ZFAND6: variants seen among roughly 807,000 people sequenced by gnomAD.
ZFAND6 encodes AN1-type zinc finger protein 6.
A neutral mutation model predicts 24.5 loss-of-function variants in ZFAND6; 12 were observed. The observed-to-expected ratio is 0.49, with a 90% CI of 0.31 to 0.79. The LOEUF is 0.79. Among genes scored for constraint, ZFAND6 ranks in the 30% least tolerant of loss-of-function variants. The probability of loss-of-function intolerance (pLI) is 0.04; values close to 1 mark genes in which losing one functional copy is unlikely to be tolerated. For synonymous variants in ZFAND6, 92 were observed against 81.5 expected (o/e 1.13, Z -0.69); for missense variants, 207 against 245.9 (o/e 0.84, Z 1.06).
chr15:80,099,347 A>G (rs2038908167), intron 2 of ZFAND6, among the ~76,000 whole-genome samples: 1 of 152,130 alleles, frequency 6.6e-6, no homozygotes, highest in Non-Finnish European at 1.5e-5. Context: ...AGAAGAATGC[A>G]TTGTTTGTAC....
chr15:80,098,700 T>C (rs2038869530), intron 2 of ZFAND6, 122 bp downstream of exon 2: 1 of 152,126 alleles, frequency 6.6e-6, no homozygotes, highest in South Asian at 2.1e-4. Context: ...TAGGGTGTAT[T>C]TTTTCTGGTG....
At chr15:80,091,604 T>TA (rs776678722) in intron 1 of ZFAND6, among the ~76,000 whole-genome samples, 14 of 151,922 alleles carry the variant, frequency 9.2e-5, no homozygotes, top group Non-Finnish European at 1.3e-4. Flanking sequence ...TCATCTCTAA[T>TA]AACAGATACA....
chr15:80,065,537 A>ATTTTTTTGTTTTTT (rs2036580089), intron 1 of ZFAND6, among the ~76,000 whole-genome samples: 1 of 76,506 alleles, frequency 1.3e-5, no homozygotes, highest in Non-Finnish European at 2.4e-5. Flanking sequence ...TTTGGTTTTG[A>ATTTTTTTGTTTTTT]TTTTTTTTTT....
intron 1 of ZFAND6, among the ~76,000 whole-genome samples, chr15:80,093,122 T>TG (rs2038488653): frequency 6.6e-6 from 1 of 151,616 alleles, no homozygotes; most frequent in Non-Finnish European, 1.5e-5. Context: ...GCCCAGCTAA[T>TG]TTTTGTGTGT....
At chr15:80,132,867 T>C (rs184067764) in intron 6 of ZFAND6, among the ~76,000 whole-genome samples, 2 of 152,032 alleles carry the variant, frequency 1.3e-5, no homozygotes, top group East Asian at 3.9e-4. Context: ...CTGCAGCTGC[T>C]ATTCTGCCAT....
intron 2 of ZFAND6, chr15:80,111,611 A>G (rs1030633969): frequency 9.8e-6 from 4 of 409,296 alleles, no homozygotes; most frequent in Non-Finnish European, 9.7e-6. Flanking sequence ...ATAAGTATAT[A>G]GTGATATATT....
intron 2 of ZFAND6, chr15:80,114,904 G>A (rs1458444563): frequency 6.6e-6 from 1 of 152,068 alleles, no homozygotes; most frequent in Non-Finnish European, 1.5e-5. Flanking sequence ...GAATTTAAAA[G>A]GTATACTTAA....
chr15:80,059,311 C>G (rs1263722091), upstream of ZFAND6, among the ~76,000 whole-genome samples: 1 of 152,350 alleles, frequency 6.6e-6, no homozygotes, highest in Non-Finnish European at 1.5e-5. Flanking sequence ...GTACCTGAAC[C>G]TACATAACCA....
intron 2 of ZFAND6, among the ~76,000 whole-genome samples, chr15:80,100,435 TA>T (rs956919977): frequency 3.3e-5 from 5 of 152,202 alleles, no homozygotes; most frequent in African/African-American, 4.8e-5. Context: ...GTAGAGGGTT[TA>T]GGGGGAAATT....
In ZFAND6 at chr15:80,064,355, ATCTG is replaced by A. The variant is rs531254032; in HGVS notation, c.-181+4550_-181+4553del. ...TTTCTTGTATATCTTTACCAGCATTATCTGTCTATCCATCTACCCTCCATCTTTC... is the reference window on the plus strand; with the variant it reads ...TTTCTTGTATATCTTTACCAGCATTATCTATCCATCTACCCTCCATCTTTC... On this transcript the variant is annotated intron_variant, in intron 1 of 6. Coordinates refer to ENST00000261749, the MANE Select transcript of ZFAND6 (RefSeq NM_019006.4). Among the ~76,000 whole-genome samples, 145 of 152,306 alleles carry A rather than the reference ATCTG, an allele frequency of 9.5e-4. 1 individual carries two copies. Among genetic ancestry groups the A allele is most frequent in the African/African-American group, 2.6e-3 (108 of 41,576 alleles).
At chr15:80,064,728 C>G (rs949662785) in intron 1 of ZFAND6, among the ~76,000 whole-genome samples, 3 of 152,098 alleles carry the variant, frequency 2.0e-5, no homozygotes, top group African/African-American at 7.2e-5. Flanking sequence ...GAGGCCTCTA[C>G]TTCCTGGGCT....
At chr15:80,070,843 C>T (rs1241816912) in intron 1 of ZFAND6, among the ~76,000 whole-genome samples, 1 of 152,026 alleles carries the variant, frequency 6.6e-6, no homozygotes, top group Non-Finnish European at 1.5e-5. Context: ...CATCTACAGT[C>T]ACTTTTCCTC....
intron 1 of ZFAND6, among the ~76,000 whole-genome samples, chr15:80,090,341 A>C (rs1437074604): frequency 6.6e-6 from 1 of 152,156 alleles, no homozygotes; most frequent in Non-Finnish European, 1.5e-5. Flanking sequence ...TGAGCTTTGG[A>C]GTCAGACTCT....
At chr15:80,095,304 G>A (rs915995669) in intron 1 of ZFAND6, among the ~76,000 whole-genome samples, 1 of 152,180 alleles carries the variant, frequency 6.6e-6, no homozygotes. Flanking sequence ...GTTTTGGCAG[G>A]AATGTTACAC....
At chr15:80,115,210 A>C (rs2039816755) in intron 2 of ZFAND6, 1 of 152,124 alleles carries the variant, frequency 6.6e-6, no homozygotes, top group Non-Finnish European at 1.5e-5. Context: ...CACATAGTAA[A>C]CTCTGAATAA....
At chr15:80,088,887 T>C (rs1357266164) in intron 1 of ZFAND6, among the ~76,000 whole-genome samples, 1 of 152,274 alleles carries the variant, frequency 6.6e-6, no homozygotes, top group East Asian at 1.9e-4. Flanking sequence ...CTTAATATAT[T>C]GGGTAGCACC....
At chr15:80,061,483 G>T (rs1213427463) in intron 1 of ZFAND6, among the ~76,000 whole-genome samples, 2 of 152,050 alleles carry the variant, frequency 1.3e-5, no homozygotes, top group African/African-American at 4.8e-5. Flanking sequence ...ACTAAAACTT[G>T]CATTTGTCTA....
chr15:80,069,622 T>C (rs2036857945), intron 1 of ZFAND6, among the ~76,000 whole-genome samples: 4 of 150,672 alleles, frequency 2.7e-5, no homozygotes, highest in Non-Finnish European at 5.9e-5. Context: ...TTTTATTTTT[T>C]GTTATTTATT....
At chr15:80,103,558 C>A (rs1359428995) in intron 2 of ZFAND6, among the ~76,000 whole-genome samples, 1 of 152,158 alleles carries the variant, frequency 6.6e-6, no homozygotes, top group African/African-American at 2.4e-5. Context: ...TACTGTTGAG[C>A]ATTGTTGAGT....
Sources: allele counts gnomAD v4.1 joint callset (sites outside exome capture counted in the v4.1 genomes callset), GRCh38; gene constraint gnomAD v4.1.1; transcripts MANE v1.5; gene names NCBI Gene and HGNC (gene_info 2026-07-23, HGNC 2026-07-21).